MAD1L1: variants seen among roughly 807,000 people sequenced by gnomAD.
MAD1L1 encodes mitotic arrest deficient 1 like 1, also known as mitotic spindle assembly checkpoint protein MAD1.
Under a neutral mutation model 96.9 loss-of-function variants are expected in MAD1L1, and 95 were observed. The ratio of observed to expected loss-of-function variants is 0.98; its 90% CI spans 0.83 to 1.16. The LOEUF is 1.16. Among genes scored for constraint, MAD1L1 ranks in the 50% most tolerant of loss-of-function variants. The pLI, the probability that MAD1L1 is intolerant of heterozygous loss-of-function variation, is 0.00. For missense variants in MAD1L1, 1,007 were observed against 954.4 expected, an observed-to-expected ratio of 1.06 and a Z score of -0.73; for synonymous variants, 473 against 396.6, an observed-to-expected ratio of 1.19 and a Z score of -2.29.
At chr7:2,009,435 A>G (rs1169435675) in intron 13 of MAD1L1, among the ~76,000 whole-genome samples, 2 of 152,182 alleles carry the variant, frequency 1.3e-5, no homozygotes, top group African/African-American at 4.8e-5. Flanking sequence ...TCACGTGGAA[A>G]AGGATGGGAC....
intron 18 of MAD1L1, chr7:1,845,701 C>A (rs1482432882): frequency 6.6e-6 from 1 of 152,274 alleles, no homozygotes; most frequent in Non-Finnish European, 1.5e-5. Context: ...GGGAAGAGCG[C>A]TGTTTAGGAG....
chr7:2,216,354 C>A (rs879835065), intron 7 of MAD1L1, 67 bp from the exon 8 acceptor site: 4 of 1,520,542 alleles, frequency 2.6e-6, no homozygotes, highest in Non-Finnish European at 2.7e-6. Context: ...GAAAATCACA[C>A]GCACACGGCT....
intron 12 of MAD1L1, among the ~76,000 whole-genome samples, chr7:2,040,652 T>C (rs1287234386): frequency 6.6e-6 from 1 of 152,202 alleles, no homozygotes; most frequent in African/African-American, 2.4e-5. Flanking sequence ...CGTCGGCATT[T>C]TGGGGATGTG....
At chr7:1,915,924 G>A (rs933933849) in intron 17 of MAD1L1, among the ~76,000 whole-genome samples, 2 of 152,194 alleles carry the variant, frequency 1.3e-5, no homozygotes, top group African/African-American at 4.8e-5. Flanking sequence ...ATACTTCATC[G>A]AGATTTAAAA....
At chr7:1,966,107 G>A (rs2128477358) in intron 15 of MAD1L1, among the ~76,000 whole-genome samples, 1 of 152,380 alleles carries the variant, frequency 6.6e-6, no homozygotes. Context: ...GACAGGCACT[G>A]CCAATGTCCC....
intron 12 of MAD1L1, among the ~76,000 whole-genome samples, chr7:2,020,742 C>A (rs1333906163): frequency 1.3e-5 from 2 of 150,210 alleles, no homozygotes. Flanking sequence ...GAGACGACAG[C>A]GGCCTAAGCA....
intron 3 of MAD1L1, among the ~76,000 whole-genome samples, chr7:2,226,362 G>A (rs1031209772): frequency 2.6e-5 from 4 of 151,844 alleles, no homozygotes; most frequent in Admixed American, 2.6e-4. Flanking sequence ...ACCACACAGG[G>A]TTAGTGATTA....
chr7:2,210,866 G>T (rs920863839), intron 10 of MAD1L1, among the ~76,000 whole-genome samples: 2 of 146,192 alleles, frequency 1.4e-5, no homozygotes, highest in African/African-American at 5.6e-5. Flanking sequence ...GCTCAGAGAG[G>T]ACGCTCGCAC....
At chr7:1,983,150 GCGCGCACACACA>G (rs774959656) in intron 14 of MAD1L1, among the ~76,000 whole-genome samples, 4,788 of 93,110 alleles carry the variant, frequency 0.051, 213 homozygotes, top group African/African-American at 0.16. Context: ...GCGCGCGCGC[GCGCGCACACACA>G]CACACACACA....
chr7:2,058,590 G>A (rs566492035), intron 12 of MAD1L1, among the ~76,000 whole-genome samples: 1 of 92,556 alleles, frequency 1.1e-5, no homozygotes, highest in African/African-American at 4.3e-5. Context: ...TGTGGCCAGA[G>A]GAGAGGAGAG....
chr7:2,052,783 G>A (rs36048129), intron 12 of MAD1L1, among the ~76,000 whole-genome samples: 74 of 152,320 alleles, frequency 4.9e-4, no homozygotes, highest in African/African-American at 1.7e-3. Context: ...GCATGGCCCT[G>A]GCGCCACAGA....
chr7:1,983,154 GCACACACA>G (rs976027470), intron 14 of MAD1L1, among the ~76,000 whole-genome samples: 205 of 31,480 alleles, frequency 6.5e-3, no homozygotes, highest in South Asian at 0.028. Context: ...GCGCGCGCGC[GCACACACA>G]CACACACACA....
At chr7:2,056,343 T>C (rs562809965) in intron 12 of MAD1L1, among the ~76,000 whole-genome samples, 52 of 152,222 alleles carry the variant, frequency 3.4e-4, no homozygotes, top group African/African-American at 1.0e-3. Flanking sequence ...GAGACGGCGA[T>C]CAGAAGCAGC....
intron 12 of MAD1L1, among the ~76,000 whole-genome samples, chr7:2,052,268 G>A (rs547764191): frequency 2.0e-5 from 3 of 152,212 alleles, no homozygotes; most frequent in Non-Finnish European, 4.4e-5. Flanking sequence ...AGGCTTCCCT[G>A]GCCCCTTCAT....
chr7:1,987,725 C>T (rs1363424634), intron 14 of MAD1L1, among the ~76,000 whole-genome samples: 5 of 152,212 alleles, frequency 3.3e-5, no homozygotes, highest in Non-Finnish European at 7.3e-5. Flanking sequence ...CCTGCGGGCT[C>T]GGCAGCCGAG....
intron 16 of MAD1L1, among the ~76,000 whole-genome samples, chr7:1,951,325 G>C (rs957886260): frequency 6.6e-6 from 1 of 152,236 alleles, no homozygotes; most frequent in South Asian, 2.1e-4. Flanking sequence ...GAAGGACAGA[G>C]GCCGTGTGAG....
chr7:2,054,846 C>T (rs1784322192), intron 12 of MAD1L1, among the ~76,000 whole-genome samples: 1 of 152,240 alleles, frequency 6.6e-6, no homozygotes, highest in Non-Finnish European at 1.5e-5. Context: ...GAGCTGCGCT[C>T]GGCTGGGCCG....
intron 11 of MAD1L1, among the ~76,000 whole-genome samples, chr7:2,072,412 C>T (rs1029085133): frequency 1.6e-4 from 25 of 152,220 alleles, no homozygotes; most frequent in African/African-American, 6.0e-4. Context: ...CACTGGCCAG[C>T]GGCCCCCCTG....
intron 17 of MAD1L1, among the ~76,000 whole-genome samples, chr7:1,930,807 G>C (rs1490488561): frequency 6.6e-6 from 1 of 151,964 alleles, no homozygotes; most frequent in Non-Finnish European, 1.5e-5. Context: ...CCAGTGACAG[G>C]CCTGCCATCT....
Sources: gnomAD v4.1 joint callset for allele counts (sites outside exome capture counted in the v4.1 genomes callset) on GRCh38, gnomAD v4.1.1 for gene constraint, MANE v1.5 for transcripts, NCBI Gene and HGNC (gene_info 2026-07-23, HGNC 2026-07-21) for gene names.